CSMD1: variants seen among roughly 807,000 people sequenced by gnomAD.
The protein encoded by CSMD1 is CUB and Sushi multiple domains 1, also known as CUB and sushi domain-containing protein 1.
In CSMD1, 213 loss-of-function variants were observed where a neutral mutation model predicts 417.5. That is an observed-to-expected ratio of 0.51 (90% CI 0.46 to 0.57). CSMD1 has a LOEUF of 0.57. CSMD1 is among the 20% of genes least tolerant of loss of function. The pLI is 0.00. For missense variants in CSMD1, 6,923 were observed against 4,529.7 expected, an observed-to-expected ratio of 1.53 and a Z score of -15.17; for synonymous variants, 2,862 against 1,736.8, an observed-to-expected ratio of 1.65 and a Z score of -16.11.
intron 5 of CSMD1, among the ~76,000 whole-genome samples, chr8:3,924,745 C>G (rs918332160): frequency 6.7e-6 from 1 of 149,158 alleles, no homozygotes; most frequent in Non-Finnish European, 1.5e-5. Context: ...TTGAACTACT[C>G]ATTTTGTTCA....
chr8:3,578,356 C>T (rs1393935012), intron 9 of CSMD1, among the ~76,000 whole-genome samples: 1 of 152,036 alleles, frequency 6.6e-6, no homozygotes, highest in East Asian at 1.9e-4. Context: ...TTAGGGATGC[C>T]TGCTGTCCTC....
chr8:3,840,845 G>A lies in CSMD1; in HGVS notation c.819-86803C>T, dbSNP rs751371392. ...CAAGTAGCTGGGCGCCTGCCACTAC[G>A]TACAGGCGCCTGTGACTACGCCCAT... is the stretch of plus-strand genomic sequence containing the variant. On this transcript the variant is annotated intron_variant, in intron 5 of 69. Transcript: ENST00000635120. Among the ~76,000 whole-genome samples the A allele has an allele frequency of 2.6e-5, 4 of 151,918 alleles. No individual in the cohort carries two copies. The East Asian group carries it at 5.8e-4, about 22-fold the overall frequency.
At chr8:4,892,332 C>G (rs1047307696) in intron 1 of CSMD1, among the ~76,000 whole-genome samples, 6 of 151,986 alleles carry the variant, frequency 3.9e-5, no homozygotes, top group Non-Finnish European at 7.4e-5. Flanking sequence ...ACTTAGGTGA[C>G]GAAGCCATCT....
intron 1 of CSMD1, among the ~76,000 whole-genome samples, chr8:4,925,640 G>A (rs552484468): frequency 1.3e-4 from 19 of 151,376 alleles, no homozygotes; most frequent in Admixed American, 2.6e-4. Flanking sequence ...TCTGCCTCCC[G>A]GGTTCACGCC....
chr8:3,077,521 A>G (rs1813769679), intron 49 of CSMD1, among the ~76,000 whole-genome samples: 1 of 152,192 alleles, frequency 6.6e-6, no homozygotes, highest in Non-Finnish European at 1.5e-5. Flanking sequence ...CAGAAGCCTC[A>G]TCCTGGCTGG....
At chr8:3,355,067 C>G (rs1172215824) in intron 21 of CSMD1, among the ~76,000 whole-genome samples, 1 of 151,854 alleles carries the variant, frequency 6.6e-6, no homozygotes, top group African/African-American at 2.4e-5. Context: ...GTAATCCATT[C>G]AAAAACTGAG....
chr8:3,127,898 TGAAG>T (rs145008573), intron 41 of CSMD1: 5,240 of 90,042 alleles, frequency 0.058, 166 homozygotes, highest in Admixed American at 0.11. Flanking sequence ...GAGGGAGGAA[TGAAG>T]GAAGGAAGGA....
chr8:4,964,633 A>C (rs1158559069), intron 1 of CSMD1, among the ~76,000 whole-genome samples: 1 of 152,096 alleles, frequency 6.6e-6, no homozygotes, highest in African/African-American at 2.4e-5. Context: ...GGATCTTCCA[A>C]AAATACATTT....
At chr8:3,465,839 C>T (rs776245880) in intron 12 of CSMD1, among the ~76,000 whole-genome samples, 1 of 152,102 alleles carries the variant, frequency 6.6e-6, no homozygotes, top group Non-Finnish European at 1.5e-5. Flanking sequence ...GGTTTGTAGT[C>T]TGAGGGACTG....
chr8:3,438,966 T>C lies in CSMD1; in HGVS notation c.1562-29361A>G, dbSNP rs1814757312. 2.0e-5 allele frequency among the ~76,000 whole-genome samples: 3 copies of C among 150,416 alleles called. No homozygotes were observed. The Middle Eastern group carries it at 0.01, about 515-fold the overall frequency. ...CCTCATCTCTACTAAAAATACAAAA[T>C]TAGCCGGGCATGGTAGTGGGCACCT... On this transcript the variant is annotated intron_variant, in intron 12 of 69. Coordinates refer to ENST00000635120, the MANE Select transcript of CSMD1 (RefSeq NM_033225.6).
At chr8:4,020,980 T>G (rs879478342) in intron 4 of CSMD1, among the ~76,000 whole-genome samples, 2 of 152,216 alleles carry the variant, frequency 1.3e-5, no homozygotes, top group African/African-American at 4.8e-5. Flanking sequence ...ACCCATTGCC[T>G]TATCAGTCTT....
chr8:4,325,076 G>C (rs1470046993), intron 3 of CSMD1, among the ~76,000 whole-genome samples: 2 of 152,152 alleles, frequency 1.3e-5, no homozygotes, highest in African/African-American at 4.8e-5. Context: ...GTGGAGCCAG[G>C]AGGGAAAAAT....
intron 3 of CSMD1, among the ~76,000 whole-genome samples, chr8:4,098,982 C>T (rs1048557117): frequency 1.3e-5 from 2 of 152,162 alleles, no homozygotes; most frequent in Non-Finnish European, 2.9e-5. Context: ...GGTAAGAATA[C>T]ACATGAACTC....
chr8:4,159,648 G>A (rs895526144), intron 3 of CSMD1, among the ~76,000 whole-genome samples: 6 of 152,138 alleles, frequency 3.9e-5, no homozygotes, highest in Non-Finnish European at 7.3e-5. Flanking sequence ...GAGCACAGTG[G>A]CGCGATCTCG....
intron 3 of CSMD1, among the ~76,000 whole-genome samples, chr8:4,211,939 A>C (rs1389417340): frequency 1.3e-5 from 2 of 152,208 alleles, no homozygotes; most frequent in African/African-American, 4.8e-5. Context: ...AGGGTAATAA[A>C]GTCAACTGTA....
intron 1 of CSMD1, among the ~76,000 whole-genome samples, chr8:4,810,477 T>C (rs991914486): frequency 6.6e-6 from 1 of 152,124 alleles, no homozygotes; most frequent in Non-Finnish European, 1.5e-5. Flanking sequence ...ACCCGAGTCA[T>C]GTTTGATGTT....
chr8:4,762,863 A>C (rs1291644072), intron 1 of CSMD1, among the ~76,000 whole-genome samples: 1 of 152,212 alleles, frequency 6.6e-6, no homozygotes, highest in Non-Finnish European at 1.5e-5. Flanking sequence ...ATTGGAGTTA[A>C]TAATATTTAT....
chr8:4,272,985 G>C (rs971095429), intron 3 of CSMD1, among the ~76,000 whole-genome samples: 22 of 152,130 alleles, frequency 1.4e-4, no homozygotes, highest in Non-Finnish European at 7.4e-5. Flanking sequence ...AAAACCACAT[G>C]CTTAAAACAG....
At chr8:3,530,865 T>TA (rs1386993048) in intron 10 of CSMD1, among the ~76,000 whole-genome samples, 1 of 40,488 alleles carries the variant, frequency 2.5e-5, no homozygotes, top group South Asian at 8.1e-4. Flanking sequence ...CTTTTTCCTA[T>TA]TTTTTTTTTT....
Sources: gnomAD v4.1 joint callset for allele counts (sites outside exome capture counted in the v4.1 genomes callset) on GRCh38, gnomAD v4.1.1 for gene constraint, MANE v1.5 for transcripts, NCBI Gene and HGNC (gene_info 2026-07-23, HGNC 2026-07-21) for gene names.